ARID1B: variants seen among roughly 807,000 people sequenced by gnomAD.
ARID1B encodes the protein AT-rich interaction domain 1B.
ARID1B carries 30 observed loss-of-function variants against 212.3 expected under a neutral mutation model. The ratio of observed to expected loss-of-function variants is 0.14; its 90% CI spans 0.11 to 0.19. The LOEUF (loss-of-function observed/expected upper bound fraction) is 0.19, where lower values mean the gene tolerates loss of function less well. Ranked by LOEUF, ARID1B falls within the 10% of genes least tolerant of loss-of-function variation. ARID1B has a pLI of 1.00. For synonymous variants in ARID1B, 1,402 were observed against 1,301.7 expected, an observed-to-expected ratio of 1.08 and a Z score of -1.66; for missense variants, 2,891 against 3,204.0, an observed-to-expected ratio of 0.90 and a Z score of 2.36.
rs746785530 is a variant in ARID1B, at chr6:157,084,925, T to G, written c.2491+20T>G. ...TCCCAGGTATTTACTTTCCTGACAA[T>G]TATTATTTTACTTTGTGATAAAGAG... On this transcript the variant is annotated intron_variant, in intron 5 of 19. Coordinates refer to ENST00000636930, the MANE Select transcript of ARID1B (RefSeq NM_001374828.1). 6.3e-7 allele frequency: 1 copy of G among 1,586,632 alleles called. No individual in the cohort carries two copies. Among genetic ancestry groups the G allele is most frequent in the South Asian group, 1.2e-5 (1 of 86,694 alleles).
intron 4 of ARID1B, among the ~76,000 whole-genome samples, chr6:157,002,001 G>T (rs1369908774): frequency 6.6e-6 from 1 of 152,238 alleles, no homozygotes; most frequent in African/African-American, 2.4e-5. Context: ...TGTCCACACA[G>T]CTCCTGCTCT....
At chr6:156,808,535 A>G (rs1465371784) in intron 1 of ARID1B, among the ~76,000 whole-genome samples, 3 of 152,178 alleles carry the variant, frequency 2.0e-5, no homozygotes, top group African/African-American at 7.2e-5. Context: ...ATTCTCTTAC[A>G]GTCCTCATAC....
At chr6:157,027,708 C>T (rs900155551) in intron 4 of ARID1B, among the ~76,000 whole-genome samples, 1 of 152,218 alleles carries the variant, frequency 6.6e-6, no homozygotes, top group Admixed American at 6.5e-5. Flanking sequence ...TATTGCACCT[C>T]ATTTTCTTTG....
At chr6:156,975,613 C>CTTTTTTTTTTTTT (rs367797338) in intron 4 of ARID1B, among the ~76,000 whole-genome samples, 7 of 110,852 alleles carry the variant, frequency 6.3e-5, no homozygotes, top group African/African-American at 1.0e-4. Flanking sequence ...TTTTTTTTTT[C>CTTTTTTTTTTTTT]TTTTTTTTTT....
chr6:157,194,112 G>A (rs1793564775), intron 15 of ARID1B: 1 of 152,286 alleles, frequency 6.6e-6, no homozygotes, highest in East Asian at 1.9e-4. Flanking sequence ...TATGTTGATT[G>A]ACCATTTGTT....
Position 157,148,917 on chromosome 6 carries a change from G to A in ARID1B, c.3055G>A (p.Val1019Met). The change falls in exon 8 of 20, where the codon GTG becomes ATG. Residue 1019 changes from valine to methionine, a missense_variant. Around this residue, in one of 7 missense-constraint regions of ARID1B, gnomAD observed 1,643 missense variants for 1,544.0 expected, o/e 1.06. Transcript: ENST00000636930. This position sits in a 1 kb window ranked among gnomAD's most constrained non-coding sequence, Gnocchi z 5.6. ...TAAGGCACAGGAGGCAGCCGCAGCA[G>A]TGATGCAGGCTGCTGCGAACTCAGC... ...NRKAQEAAAA[V>M]MQAAANSAQS... The A allele has an allele frequency of 1.9e-6, 3 of 1,612,664 alleles. No individual in the cohort carries two copies. Among genetic ancestry groups the A allele is most frequent in the East Asian group, 2.2e-5 (1 of 44,878 alleles).
chr6:156,849,369 T>C (rs1784431292), intron 2 of ARID1B, among the ~76,000 whole-genome samples: 1 of 152,216 alleles, frequency 6.6e-6, no homozygotes, highest in African/African-American at 2.4e-5. Context: ...TGTTTTGTTA[T>C]TAAACATTGG....
intron 4 of ARID1B, among the ~76,000 whole-genome samples, chr6:157,039,880 TCTC>T (rs1781745573): frequency 9.1e-6 from 1 of 110,002 alleles, no homozygotes; most frequent in African/African-American, 3.6e-5. Context: ...CTCTTTCTTT[TCTC>T]TTCCTTCCTT....
intron 4 of ARID1B, among the ~76,000 whole-genome samples, chr6:157,016,017 G>T (rs1266999537): frequency 6.6e-6 from 1 of 152,176 alleles, no homozygotes; most frequent in African/African-American, 2.4e-5. Context: ...TCAGGAGAAG[G>T]GTTGGTAGAA....
chr6:156,885,909 G>T lies in ARID1B; in HGVS notation c.1987-15467G>T, dbSNP rs78174560. ...AATTTTGTATCCTAATATTGTACAG[G>T]TTGAGTATCCCTCATCTGAAAATCC... is the stretch of plus-strand genomic sequence containing the variant. On this transcript the variant is annotated intron_variant, in intron 2 of 19. Coordinates refer to ENST00000636930, the MANE Select transcript of ARID1B (RefSeq NM_001374828.1). Among the ~76,000 whole-genome samples, 170 of 152,220 alleles carry T rather than the reference G, an allele frequency of 1.1e-3. 1 individual carries two copies. The highest frequency in any genetic ancestry group is 7.1e-3 in the East Asian group (37 of 5,180).
chr6:156,888,665 G>T (rs887290798), intron 2 of ARID1B, among the ~76,000 whole-genome samples: 10 of 152,070 alleles, frequency 6.6e-5, no homozygotes, highest in African/African-American at 2.2e-4. Context: ...AGCATTTTTG[G>T]GATGGAAACA....
At chr6:157,161,997 C>T (rs147371007) in intron 8 of ARID1B, among the ~76,000 whole-genome samples, 1 of 152,194 alleles carries the variant, frequency 6.6e-6, no homozygotes, top group Non-Finnish European at 1.5e-5. Context: ...GGAGCTTCCC[C>T]CGTGTCTGCC....
At chr6:157,153,021 T>C (rs1348358966) in intron 8 of ARID1B, among the ~76,000 whole-genome samples, 2 of 152,296 alleles carry the variant, frequency 1.3e-5, no homozygotes, top group Middle Eastern at 3.4e-3. Flanking sequence ...GAATGCTCAT[T>C]GTAAAAATGA....
At chr6:156,789,752 C>A (rs1779890358) in intron 1 of ARID1B, among the ~76,000 whole-genome samples, 1 of 152,202 alleles carries the variant, frequency 6.6e-6, no homozygotes, top group African/African-American at 2.4e-5. Context: ...TATGCATTTA[C>A]TAGCTGTGTG....
chr6:156,785,905 T>G (rs182342932), intron 1 of ARID1B, among the ~76,000 whole-genome samples: 118 of 152,344 alleles, frequency 7.7e-4, no homozygotes, highest in Admixed American at 3.1e-3. Flanking sequence ...GTAATCCTCA[T>G]AGAGTTTGAG....
chr6:157,150,021 A>C (rs1393415938), intron 8 of ARID1B: 1 of 152,196 alleles, frequency 6.6e-6, no homozygotes, highest in East Asian at 1.9e-4. Flanking sequence ...TCTGAACTCC[A>C]GCAGTCTAGC....
intron 6 of ARID1B, among the ~76,000 whole-genome samples, chr6:157,121,695 C>T (rs530939923): frequency 1.4e-5 from 2 of 138,630 alleles, no homozygotes; most frequent in East Asian, 4.2e-4. Context: ...TGCAGTGGCG[C>T]GTCTCTGCTC....
chr6:157,198,539 G>A (rs534916125), intron 16 of ARID1B: 1 of 428,700 alleles, frequency 2.3e-6, no homozygotes, highest in South Asian at 4.2e-5. Flanking sequence ...AGTGCTTACA[G>A]GGTGCCTGCC....
intron 9 of ARID1B, chr6:157,173,138 C>A (rs937919419): frequency 4.6e-5 from 7 of 152,226 alleles, no homozygotes; most frequent in Admixed American, 6.5e-5. Context: ...ATTCCTTACT[C>A]TAGTCTTGTT....
Sources: allele counts gnomAD v4.1 joint callset (sites outside exome capture counted in the v4.1 genomes callset), GRCh38; gene constraint gnomAD v4.1.1; regional missense constraint gnomAD v4.1.1; non-coding constraint Gnocchi (gnomAD v3.1); transcripts MANE v1.5; gene names NCBI Gene and HGNC (gene_info 2026-07-23, HGNC 2026-07-21).